The following SEMA3A variants were observed in gnomAD, a reference collection of about 807,000 sequenced individuals.
SEMA3A encodes the protein semaphorin 3A.
Under a neutral mutation model 97.9 loss-of-function variants are expected in SEMA3A, and 29 were observed. The ratio of observed to expected loss-of-function variants is 0.30; its 90% CI spans 0.22 to 0.40. SEMA3A has a LOEUF of 0.40. Ranked by LOEUF, SEMA3A falls within the 10% of genes least tolerant of loss-of-function variation. The pLI, the probability that SEMA3A is intolerant of heterozygous loss-of-function variation, is 1.00. For missense variants in SEMA3A, 763 were observed against 951.3 expected (o/e 0.80, Z 2.60); for synonymous variants, 321 against 323.7 (o/e 0.99, Z 0.09).
At chr7:84,098,845 G>A (rs1794858303) in intron 4 of SEMA3A, among the ~76,000 whole-genome samples, 1 of 152,052 alleles carries the variant, frequency 6.6e-6, no homozygotes, top group Non-Finnish European at 1.5e-5. Flanking sequence ...GTAACATGTT[G>A]AACTTCCCTG....
In SEMA3A at chr7:84,441,341, GAGAT is replaced by G. The variant is rs568075927; in HGVS notation, c.-246+51115_-246+51118del. Among the ~76,000 whole-genome samples, 45 of 151,664 alleles carry G rather than the reference GAGAT, an allele frequency of 3.0e-4. No homozygotes were observed. In the East Asian group the frequency reaches 6.6e-3, roughly 22 times the overall value. On this transcript the variant is annotated intron_variant, in intron 1 of 3. Coordinates refer to the SEMA3A transcript ENST00000424555. ...TGAGCAAAATGGAAACATCAATAAA[GAGAT>G]AGAAACTGTAAAACAAAACCAAAAA... is the stretch of plus-strand genomic sequence containing the variant.
rs77038887 is a variant in SEMA3A at position 84,341,530 on chromosome 7, G to A, written c.-169+30294C>T. On this transcript the variant is annotated intron_variant, in intron 2 of 3. Transcript: ENST00000424555. The stretch of plus-strand genomic sequence containing the variant: ...TCTAGTTGCCTGAAACCTAGGAGGC[G>A]TTATTTCCCTTTTATTCTTTTCCAT... Among the ~76,000 whole-genome samples, 939 of 151,960 alleles carry A rather than the reference G, an allele frequency of 6.2e-3. 7 individuals are homozygous for A. Among genetic ancestry groups the A allele is most frequent in the African/African-American group, 0.022 (891 of 41,440 alleles).
At chr7:84,155,165 C>G (rs941108391) in intron 1 of SEMA3A, among the ~76,000 whole-genome samples, 1 of 152,144 alleles carries the variant, frequency 6.6e-6, no homozygotes, top group Non-Finnish European at 1.5e-5. Flanking sequence ...CTTATACTTC[C>G]AACTCAAGAC....
At position 84,002,984 on chromosome 7, in the gene SEMA3A, T is replaced by C. The variant is rs773890168; in HGVS notation, c.1361-938A>G. On this transcript the variant is annotated intron_variant, in intron 11 of 16. Coordinates refer to ENST00000265362, the MANE Select transcript of SEMA3A (RefSeq NM_006080.3). Reference sequence around the variant, plus strand: ...ACAGGGGCTTATTAAATTCAAAACTTTTACTCTTCAACCTTCTAGTTCTGA... The same window carrying C: ...ACAGGGGCTTATTAAATTCAAAACTCTTACTCTTCAACCTTCTAGTTCTGA... Among the ~76,000 whole-genome samples the C allele has an allele frequency of 3.4e-4, 52 of 152,100 alleles. 2 individuals carry two copies. The highest frequency in any genetic ancestry group is 2.1e-4 in the South Asian group (1 of 4,834).
chr7:84,170,472 A>C (rs563954477), intron 1 of SEMA3A, among the ~76,000 whole-genome samples: 6 of 151,978 alleles, frequency 3.9e-5, no homozygotes, highest in African/African-American at 9.7e-5. Context: ...TTATTTAGAA[A>C]ATCCTATTGC....
intron 6 of SEMA3A, 115 bp downstream of exon 6, chr7:84,046,209 T>C: frequency 8.2e-7 from 1 of 1,216,392 alleles, no homozygotes; most frequent in East Asian, 2.4e-5. Context: ...TCACCACCAT[T>C]AGCTTAACTG....
chr7:83,970,498 T>A (rs1439207635), intron 15 of SEMA3A, among the ~76,000 whole-genome samples: 1 of 152,190 alleles, frequency 6.6e-6, no homozygotes, highest in Non-Finnish European at 1.5e-5. Flanking sequence ...CTCGCAAGAT[T>A]GAAATGTTAA....
rs1427724575 is a variant in SEMA3A, at chr7:84,258,136, G to T, written c.-83+49071C>A. ...CCTCACACAGGGTCAGCACATTACTGGTTCCCCTTTCTTCATCATATGGAT... is the reference window on the plus strand; with the variant it reads ...CCTCACACAGGGTCAGCACATTACTTGTTCCCCTTTCTTCATCATATGGAT... On this transcript the variant is annotated intron_variant, in intron 3 of 3. Coordinates refer to the SEMA3A transcript ENST00000424555. Among the ~76,000 whole-genome samples the T allele has an allele frequency of 3.3e-5, 5 of 152,156 alleles. No homozygotes were observed. The South Asian group carries it at 8.3e-4, about 25-fold the overall frequency.
intron 1 of SEMA3A, among the ~76,000 whole-genome samples, chr7:84,397,434 AAT>A (rs1000915774): frequency 1.3e-5 from 2 of 148,230 alleles, no homozygotes; most frequent in African/African-American, 4.9e-5. Flanking sequence ...TAAAATATAT[AAT>A]ATATATTTTA....
intron 2 of SEMA3A, among the ~76,000 whole-genome samples, chr7:84,371,268 A>G (rs1802967817): frequency 6.6e-6 from 1 of 151,868 alleles, no homozygotes; most frequent in South Asian, 2.1e-4. Flanking sequence ...AACATATAAC[A>G]TGGCTCAGAG....
intron 6 of SEMA3A, among the ~76,000 whole-genome samples, chr7:84,041,629 T>C (rs1562991145): frequency 6.6e-6 from 1 of 152,118 alleles, no homozygotes. Flanking sequence ...ATACACTACT[T>C]ACTCATAGAA....
intron 1 of SEMA3A, among the ~76,000 whole-genome samples, chr7:84,159,200 A>C (rs1475372769): frequency 6.6e-6 from 1 of 152,172 alleles, no homozygotes; most frequent in Non-Finnish European, 1.5e-5. Flanking sequence ...TACATAGTAC[A>C]TAGTGAACAG....
At chr7:84,288,269 A>G (rs965188113) in intron 3 of SEMA3A, among the ~76,000 whole-genome samples, 1 of 152,158 alleles carries the variant, frequency 6.6e-6, no homozygotes, top group African/African-American at 2.4e-5. Context: ...AACAAATTTT[A>G]AGTAAATTTT....
intron 2 of SEMA3A, among the ~76,000 whole-genome samples, chr7:84,309,339 G>A (rs1342253984): frequency 6.6e-6 from 1 of 152,122 alleles, no homozygotes; most frequent in Admixed American, 6.6e-5. Context: ...TCCTTCTGGT[G>A]ACTGACATAA....
chr7:83,983,223 TTC>T (rs1409065561), intron 13 of SEMA3A, among the ~76,000 whole-genome samples: 1 of 117,362 alleles, frequency 8.5e-6, no homozygotes, highest in African/African-American at 2.7e-5. Flanking sequence ...CCTTTTCTTT[TTC>T]TTTCTTTCTT....
chr7:84,214,392 A>C (rs1798697506), intron 3 of SEMA3A, among the ~76,000 whole-genome samples: 1 of 152,158 alleles, frequency 6.6e-6, no homozygotes, highest in South Asian at 2.1e-4. Flanking sequence ...TTTCAAATTC[A>C]TCTCCCTTGT....
intron 2 of SEMA3A, among the ~76,000 whole-genome samples, chr7:84,355,725 A>G (rs1802543115): frequency 6.6e-6 from 1 of 151,834 alleles, no homozygotes; most frequent in South Asian, 2.1e-4. Context: ...CTTGGAAAAA[A>G]TTATGTTTGC....
chr7:84,257,514 A>G (rs564009301), intron 3 of SEMA3A, among the ~76,000 whole-genome samples: 114 of 152,284 alleles, frequency 7.5e-4, no homozygotes, highest in African/African-American at 2.7e-3. Flanking sequence ...TTAAAGTATT[A>G]AGATGCATAA....
chr7:84,065,692 CGT>C (rs1793453520), intron 4 of SEMA3A, among the ~76,000 whole-genome samples: 1 of 152,132 alleles, frequency 6.6e-6, no homozygotes, highest in Admixed American at 6.5e-5. Flanking sequence ...AATTCCTCGA[CGT>C]ATACACTCTC....
Sources: gnomAD v4.1 joint callset for allele counts (sites outside exome capture counted in the v4.1 genomes callset) on GRCh38, gnomAD v4.1.1 for gene constraint, MANE v1.5 for transcripts, NCBI Gene and HGNC (gene_info 2026-07-23, HGNC 2026-07-21) for gene names.